Variants in GSDMC observed in about 807,000 individuals in gnomAD.
GSDMC encodes the protein gasdermin C, also known as gasdermin-C.
In GSDMC, 59 loss-of-function variants were observed where a neutral mutation model predicts 58.0. The ratio of observed to expected loss-of-function variants is 1.02; its 90% CI spans 0.82 to 1.26. GSDMC has a LOEUF of 1.26. GSDMC is among the 50% of genes most tolerant of loss of function. The probability of loss-of-function intolerance (pLI) is 0.00; values close to 1 mark genes in which losing one functional copy is unlikely to be tolerated. For synonymous variants in GSDMC, 241 were observed against 220.2 expected, an observed-to-expected ratio of 1.09 and a Z score of -0.83; for missense variants, 659 against 598.5, an observed-to-expected ratio of 1.10 and a Z score of -1.06.
At chr8:129,774,454 A>T (rs541328489) in intron 3 of GSDMC, among the ~76,000 whole-genome samples, 15 of 152,192 alleles carry the variant, frequency 9.9e-5, no homozygotes, top group Admixed American at 9.2e-4. Flanking sequence ...TTTTAGAAGA[A>T]AATACAGGGG....
At chr8:129,765,422 A>T (rs7011549) in intron 4 of GSDMC, among the ~76,000 whole-genome samples, 3,232 of 152,328 alleles carry the variant, frequency 0.021, 107 homozygotes, top group African/African-American at 0.071. Flanking sequence ...ATGACCCCGT[A>T]TAGTAAAACA....
chr8:129,728,970 G>A, the GSDMC span: 1 of 669,506 alleles, frequency 1.5e-6, no homozygotes, highest in East Asian at 2.9e-5. Context: ...GAACGAGAAG[G>A]AGCAGGAGCT....
downstream of GSDMC, among the ~76,000 whole-genome samples, chr8:129,746,368 A>G (rs1396178375): frequency 6.6e-6 from 1 of 152,238 alleles, no homozygotes; most frequent in Non-Finnish European, 1.5e-5. Flanking sequence ...GAGTTGAGTT[A>G]TAGACATAGA....
chr8:129,769,114 G>A (rs1319431516), intron 3 of GSDMC, among the ~76,000 whole-genome samples: 1 of 151,642 alleles, frequency 6.6e-6, no homozygotes, highest in African/African-American at 2.4e-5. Context: ...GAGGAGAGGA[G>A]AGGAAAAAAT....
Position 129,750,138 on chromosome 8 carries a change from A to T in GSDMC, c.1084-19T>A, listed in dbSNP as rs1018601518. On this transcript the variant is annotated intron_variant, in intron 11 of 13. Transcript: ENST00000276708. Reference sequence around the variant, plus strand: ...ATTCCAGCTATAGAAGACAGGTATTATTGTTAATAATAATACTAATAACAG... The same window carrying T: ...ATTCCAGCTATAGAAGACAGGTATTTTTGTTAATAATAATACTAATAACAG... 5.3e-6 allele frequency: 8 copies of T among 1,516,776 alleles called. No homozygotes were observed. Among genetic ancestry groups the T allele is most frequent in the Non-Finnish European group, 6.2e-6 (7 of 1,129,712 alleles). 94.0% of individuals were successfully genotyped at this position (1,516,776 alleles called of 1,614,324 possible). A position where few individuals can be genotyped will look rare whatever the true frequency, so the allele number is the denominator to read the frequency against.
rs1341402430 is a variant in GSDMC, at chr8:129,751,522, C to T, written c.943+20G>A. ...AGCTCCCACCCAGAAGCCCCAGGTT[C>T]CCCCTTAATAAATACTTACTTTGCC... is the stretch of plus-strand genomic sequence containing the variant. On this transcript the variant is annotated intron_variant, in intron 10 of 13. Transcript: ENST00000276708. 17 of 1,605,872 alleles carry T rather than the reference C, an allele frequency of 1.1e-5. No individual in the cohort carries two copies. Among genetic ancestry groups the T allele is most frequent in the African/African-American group, 1.3e-5 (1 of 74,716 alleles).
At chr8:129,736,647 A>G in the GSDMC span, among the ~76,000 whole-genome samples, 1 of 152,164 alleles carries the variant, frequency 6.6e-6, no homozygotes, top group Non-Finnish European at 1.5e-5. Flanking sequence ...TCTCAAAATA[A>G]TAAGAGCTAT....
At chr8:129,749,337 C>T in intron 13 of GSDMC, 115 bp downstream of exon 13, 2 of 729,818 alleles carry the variant, frequency 2.7e-6, no homozygotes, top group South Asian at 1.6e-5. Context: ...ACCCTGTGAT[C>T]TGGACTCCCC....
At chr8:129,748,134 C>A (rs1191271486), downstream of GSDMC, 2 of 157,960 alleles carry the variant, frequency 1.3e-5, no homozygotes, top group Admixed American at 1.3e-4. Context: ...TGTTGCATTT[C>A]AATGTAAGTT....
downstream of GSDMC, among the ~76,000 whole-genome samples, chr8:129,746,914 C>A (rs1416998046): frequency 6.6e-6 from 1 of 152,074 alleles, no homozygotes; most frequent in African/African-American, 2.4e-5. Flanking sequence ...TGATCACAGC[C>A]ATTCAAGGAA....
At chr8:129,742,001 A>C in the GSDMC span, among the ~76,000 whole-genome samples, 2 of 150,526 alleles carry the variant, frequency 1.3e-5, no homozygotes, top group Non-Finnish European at 2.9e-5. Context: ...ACACAGATGA[A>C]TGTGGAGGAC....
intron 2 of GSDMC, among the ~76,000 whole-genome samples, 180 bp from the exon 3 acceptor site, chr8:129,776,465 G>C (rs2034229845): frequency 3.3e-5 from 5 of 152,212 alleles, no homozygotes; most frequent in Admixed American, 3.3e-4. Flanking sequence ...AATTACTACA[G>C]ATGGAAAATA....
intron 1 of GSDMC, among the ~76,000 whole-genome samples, chr8:129,783,399 G>A (rs998005606): frequency 4.6e-5 from 7 of 151,958 alleles, no homozygotes; most frequent in African/African-American, 7.3e-5. Flanking sequence ...TAAAGTTGCA[G>A]GATACAAAAT....
chr8:129,778,824 G>A (rs2034324576), intron 1 of GSDMC, among the ~76,000 whole-genome samples: 1 of 146,870 alleles, frequency 6.8e-6, no homozygotes, highest in Non-Finnish European at 1.5e-5. Context: ...TTCAAAAGAA[G>A]ACATACATGT....
intron 6 of GSDMC, among the ~76,000 whole-genome samples, chr8:129,758,654 C>T (rs561126484): frequency 1.2e-3 from 176 of 151,966 alleles, no homozygotes; most frequent in Non-Finnish European, 2.3e-3. Context: ...ATTAACTTAA[C>T]CAAAGAAGTG....
In GSDMC at chr8:129,751,521, TC is replaced by T. The variant is rs763634214; in HGVS notation, c.943+20del. 6.2e-7 allele frequency: 1 copy of T among 1,604,206 alleles called. No individual in the cohort carries two copies. The highest frequency in any genetic ancestry group is 8.5e-7 in the Non-Finnish European group (1 of 1,173,238). ...CAGCTCCCACCCAGAAGCCCCAGGT[TC>T]CCCCTTAATAAATACTTACTTTGCC... On this transcript the variant is annotated intron_variant, in intron 10 of 13. Coordinates refer to ENST00000276708, the MANE Select transcript of GSDMC (RefSeq NM_031415.3).
intron 3 of GSDMC, among the ~76,000 whole-genome samples, chr8:129,773,035 A>G (rs906766928): frequency 2.6e-5 from 4 of 152,264 alleles, no homozygotes; most frequent in African/African-American, 9.6e-5. Context: ...ATCTCAGTAG[A>G]TGCAGAAAAA....
downstream of GSDMC, among the ~76,000 whole-genome samples, chr8:129,744,128 A>G (rs2032918154): frequency 6.6e-6 from 1 of 151,998 alleles, no homozygotes; most frequent in African/African-American, 2.4e-5. Flanking sequence ...TTGTTAACTC[A>G]GAGAGACCAC....
At chr8:129,755,709 C>T (rs189220878) in intron 6 of GSDMC, among the ~76,000 whole-genome samples, 7 of 151,930 alleles carry the variant, frequency 4.6e-5, no homozygotes, top group East Asian at 3.9e-4. Flanking sequence ...AGTTAGAAAG[C>T]GGGAAGGTAA....
Sources: gnomAD v4.1 joint callset for allele counts (sites outside exome capture counted in the v4.1 genomes callset) on GRCh38, gnomAD v4.1.1 for gene constraint, MANE v1.5 for transcripts, NCBI Gene and HGNC (gene_info 2026-07-23, HGNC 2026-07-21) for gene names.